KMO: variants seen among roughly 807,000 people sequenced by gnomAD.
KMO encodes the protein kynurenine 3-monooxygenase.
In KMO, 24 loss-of-function variants were observed where a neutral mutation model predicts 57.8. The ratio of observed to expected loss-of-function variants is 0.42; its 90% CI spans 0.30 to 0.58. The LOEUF is 0.58. Ranked by LOEUF, KMO falls within the 20% of genes least tolerant of loss-of-function variation. The pLI is 0.22. For synonymous variants in KMO, 210 were observed against 193.6 expected, an observed-to-expected ratio of 1.08 and a Z score of -0.70; for missense variants, 483 against 588.2, an observed-to-expected ratio of 0.82 and a Z score of 1.85.
At chr1:241,540,342 T>C (rs907202546) in intron 1 of KMO, among the ~76,000 whole-genome samples, 1 of 151,978 alleles carries the variant, frequency 6.6e-6, no homozygotes, top group Non-Finnish European at 1.5e-5. Context: ...TCAATGTACT[T>C]GAGACATTAA....
At chr1:241,533,438 T>C (rs1660646149) in intron 1 of KMO, among the ~76,000 whole-genome samples, 1 of 152,258 alleles carries the variant, frequency 6.6e-6, no homozygotes, top group Non-Finnish European at 1.5e-5. Flanking sequence ...TGTCTTTTGT[T>C]CTGCCTTCCT....
intron 4 of KMO, among the ~76,000 whole-genome samples, chr1:241,551,828 C>T (rs1032784281): frequency 2.0e-5 from 3 of 152,184 alleles, no homozygotes; most frequent in South Asian, 2.1e-4. Context: ...GAAACTAGAC[C>T]TGTGCTTCTC....
chr1:241,548,088 A>AACACACACACAAACACAC (rs1553345856), intron 1 of KMO, among the ~76,000 whole-genome samples: 1 of 148,848 alleles, frequency 6.7e-6, no homozygotes, highest in Admixed American at 6.7e-5. Flanking sequence ...AAACAAACAA[A>AACACACACACAAACACAC]ACACACACAC....
At chr1:241,589,572 C>A (rs918162227) in intron 12 of KMO, among the ~76,000 whole-genome samples, 1 of 152,102 alleles carries the variant, frequency 6.6e-6, no homozygotes, top group Admixed American at 6.6e-5. Flanking sequence ...CCTTTAAAAA[C>A]GGGATGGCTA....
At position 241,593,194 on chromosome 1, in the gene KMO, G is replaced by A. The variant is rs746489101; in HGVS notation, c.*1041G>A. ...TGCCAGAATGGAAAGGAAACAAGGG[G>A]AGACAACTTTTATAGAAATACAAAG... On this transcript the variant is annotated 3_prime_UTR_variant, in exon 15 of 15. Transcript: ENST00000366559. 8.2e-5 allele frequency: 20 copies of A among 242,506 alleles called. No individual in the cohort carries two copies. Among genetic ancestry groups the A allele is most frequent in the Non-Finnish European group, 1.6e-4 (17 of 105,478 alleles). 15.0% of individuals were successfully genotyped at this position (242,506 alleles called of 1,614,324 possible). A position where few individuals can be genotyped will look rare whatever the true frequency, so the allele number is the denominator to read the frequency against.
intron 6 of KMO, among the ~76,000 whole-genome samples, chr1:241,560,999 A>T (rs1375506372): frequency 6.6e-6 from 1 of 152,016 alleles, no homozygotes; most frequent in African/African-American, 2.4e-5. Context: ...CACACTGGTG[A>T]CTCTAATGTG....
At chr1:241,545,199 C>T (rs951879931) in intron 1 of KMO, among the ~76,000 whole-genome samples, 2 of 152,070 alleles carry the variant, frequency 1.3e-5, no homozygotes, top group Non-Finnish European at 2.9e-5. Context: ...ATGGTAGATG[C>T]TAGGAATAAA....
chr1:241,594,525 A>G lies in KMO; in HGVS notation c.*2372A>G. 2 of 1,614,138 alleles carry G rather than the reference A, an allele frequency of 1.2e-6. No homozygotes were observed. ...TTCATCACTGGTGATGATAAAAATGATGGAAGAAGAGTTGAAAGTCACTTT... is the reference window on the plus strand; with the variant it reads ...TTCATCACTGGTGATGATAAAAATGGTGGAAGAAGAGTTGAAAGTCACTTT... On this transcript the variant is annotated 3_prime_UTR_variant, in exon 15 of 15. Coordinates refer to ENST00000366559, the MANE Select transcript of KMO (RefSeq NM_003679.5).
intron 10 of KMO, among the ~76,000 whole-genome samples, chr1:241,579,014 T>G (rs142501788): frequency 4.1e-4 from 62 of 152,192 alleles, no homozygotes; most frequent in African/African-American, 1.3e-3. Flanking sequence ...CATGATTCAA[T>G]TATGTCCCAC....
At chr1:241,563,660 A>G (rs187170255) in intron 7 of KMO, among the ~76,000 whole-genome samples, 1 of 152,290 alleles carries the variant, frequency 6.6e-6, no homozygotes, top group Non-Finnish European at 1.5e-5. Flanking sequence ...GTGCTTGCTA[A>G]AGTAGATTTA....
Position 241,594,688 on chromosome 1 carries a change from G to A in KMO, c.*2535G>A, listed in dbSNP as rs1446302960. The A allele has an allele frequency of 3.7e-6, 6 of 1,611,824 alleles. No individual in the cohort carries two copies. Among genetic ancestry groups the A allele is most frequent in the Non-Finnish European group, 4.2e-6 (5 of 1,179,008 alleles). On this transcript the variant is annotated 3_prime_UTR_variant, in exon 15 of 15. Coordinates refer to ENST00000366559, the MANE Select transcript of KMO (RefSeq NM_003679.5). ...CACAGAAGCTGCAAAAGGGATCTTC[G>A]AAACTGGGCAGAGAAAAAATAAAGT...
At chr1:241,577,069 T>G (rs980794114) in intron 10 of KMO, among the ~76,000 whole-genome samples, 1 of 152,166 alleles carries the variant, frequency 6.6e-6, no homozygotes, top group African/African-American at 2.4e-5. Context: ...TAAATGTGTC[T>G]TCCATTTCTA....
intron 10 of KMO, among the ~76,000 whole-genome samples, chr1:241,571,113 T>C (rs1170382167): frequency 6.6e-6 from 1 of 152,162 alleles, no homozygotes. Context: ...CTATTTATTT[T>C]TGTATGTTGA....
chr1:241,588,652 G>A, intron 11 of KMO, 96 bp from the exon 12 acceptor site: 3 of 760,482 alleles, frequency 3.9e-6, no homozygotes, highest in South Asian at 3.3e-5. Flanking sequence ...AAATTAGCGA[G>A]AGCATTGGTA....
At chr1:241,563,126 A>C (rs1445944972) in intron 7 of KMO, among the ~76,000 whole-genome samples, 1 of 152,260 alleles carries the variant, frequency 6.6e-6, no homozygotes, top group Non-Finnish European at 1.5e-5. Flanking sequence ...TAGTTATTAA[A>C]TAAAATGACT....
rs775100958 is a variant in KMO, at chr1:241,548,891, T to C, written c.117T>C (p.Ala39=). The change falls in exon 2 of 15, where the codon GCT becomes GCC. Residue 39 remains alanine (A), a synonymous_variant. Transcript: ENST00000366559. ...KRNFQIDVYE[A]REDTRVATFT... ...ATTTCCAGATTGATGTATATGAAGC[T>C]AGGGAAGGTACGTCCATGGTGAAAA... 4.4e-6 allele frequency: 7 copies of C among 1,604,766 alleles called. No individual in the cohort carries two copies. In the South Asian group the frequency reaches 7.7e-5, roughly 18 times the overall value.
chr1:241,585,811 C>G (rs1573939240), intron 10 of KMO, among the ~76,000 whole-genome samples: 1 of 151,514 alleles, frequency 6.6e-6, no homozygotes, highest in South Asian at 2.1e-4. Flanking sequence ...TTTATACTAC[C>G]TCTAAAGCTG....
intron 9 of KMO, 92 bp from the exon 10 acceptor site, chr1:241,568,408 T>C: frequency 7.8e-7 from 1 of 1,289,622 alleles, no homozygotes; most frequent in East Asian, 2.4e-5. Context: ...TCAACAAAAC[T>C]TCGTGATAGT....
At chr1:241,542,609 C>T (rs1660998252) in intron 1 of KMO, among the ~76,000 whole-genome samples, 1 of 152,210 alleles carries the variant, frequency 6.6e-6, no homozygotes, top group Admixed American at 6.5e-5. Context: ...TGGGAACAGT[C>T]CTGTCTCTAT....
Sources: allele counts gnomAD v4.1 joint callset (sites outside exome capture counted in the v4.1 genomes callset), GRCh38; gene constraint gnomAD v4.1.1; transcripts MANE v1.5; gene names NCBI Gene and HGNC (gene_info 2026-07-23, HGNC 2026-07-21).